Variants in SEC24B observed in about 807,000 individuals in gnomAD.
SEC24B encodes SEC24 homolog B, COPII component, also known as protein transport protein Sec24B.
SEC24B carries 45 observed loss-of-function variants against 142.8 expected under a neutral mutation model. That is an observed-to-expected ratio of 0.32 (90% CI 0.25 to 0.40). The LOEUF is 0.40. SEC24B is among the 10% of genes least tolerant of loss of function. SEC24B has a pLI of 1.00. For synonymous variants in SEC24B, 574 were observed against 568.2 expected (o/e 1.01, Z -0.15); for missense variants, 1,409 against 1,526.8 (o/e 0.92, Z 1.29).
At chr4:109,446,368 G>A (rs1729462875) in intron 1 of SEC24B, among the ~76,000 whole-genome samples, 1 of 152,150 alleles carries the variant, frequency 6.6e-6, no homozygotes, top group African/African-American at 2.4e-5. Context: ...ACTAGAAGCT[G>A]GAAAAGGCAA....
At chr4:109,471,975 A>C (rs554714320) in intron 2 of SEC24B, among the ~76,000 whole-genome samples, 1 of 152,320 alleles carries the variant, frequency 6.6e-6, no homozygotes, top group Admixed American at 6.5e-5. Context: ...TGATGTTTTT[A>C]ATCTTCCACA....
At chr4:109,451,296 C>G (rs1431547744) in intron 1 of SEC24B, among the ~76,000 whole-genome samples, 1 of 151,830 alleles carries the variant, frequency 6.6e-6, no homozygotes, top group Non-Finnish European at 1.5e-5. Flanking sequence ...TGGCTTGCTG[C>G]ATCCCTAACC....
chr4:109,530,440 C>CT lies in SEC24B; in HGVS notation c.3229dup (p.Tyr1077LeufsTer12). ...CCAGCTCCCTCAAGTTGTTTCCTCT[C>CT]TATGTTTTGGCCCTTCTCAAACAGG... is the stretch of plus-strand genomic sequence containing the variant. On this transcript the variant is annotated frameshift_variant, in exon 19 of 24. Transcript: ENST00000265175. LOFTEE classifies it high-confidence loss of function. The CT allele has an allele frequency of 6.2e-7, 1 of 1,613,920 alleles. No individual in the cohort carries two copies. Among genetic ancestry groups the CT allele is most frequent in the Non-Finnish European group, 8.5e-7 (1 of 1,179,908 alleles).
chr4:109,443,701 G>C (rs1729141320), intron 1 of SEC24B, among the ~76,000 whole-genome samples: 1 of 152,320 alleles, frequency 6.6e-6, no homozygotes, highest in African/African-American at 2.4e-5. Context: ...CACTGAACAT[G>C]TGTTTCCTTC....
intron 22 of SEC24B, among the ~76,000 whole-genome samples, chr4:109,537,032 AG>A (rs1725627828): frequency 6.6e-6 from 1 of 152,162 alleles, no homozygotes; most frequent in African/African-American, 2.4e-5. Flanking sequence ...CTCTATAAAA[AG>A]TTCTCTTACA....
chr4:109,532,109 G>A (rs150920854), intron 20 of SEC24B, among the ~76,000 whole-genome samples: 2,245 of 151,936 alleles, frequency 0.015, 38 homozygotes, highest in African/African-American at 0.038. Flanking sequence ...TGCCCATCTC[G>A]GCTTCCCAAA....
intron 7 of SEC24B, among the ~76,000 whole-genome samples, chr4:109,507,950 C>A (rs991414055): frequency 1.3e-5 from 2 of 152,118 alleles, no homozygotes; most frequent in African/African-American, 4.8e-5. Context: ...CAGCCTATTT[C>A]CCTTTTCTTA....
intron 4 of SEC24B, among the ~76,000 whole-genome samples, chr4:109,484,466 GTTAAAA>G (rs1670019705): frequency 6.6e-6 from 1 of 152,026 alleles, no homozygotes; most frequent in Non-Finnish European, 1.5e-5. Context: ...GTTTTTCCCT[GTTAAAA>G]TTAATAAGTC....
At chr4:109,467,211 A>G (rs886661719) in intron 2 of SEC24B, among the ~76,000 whole-genome samples, 1 of 151,040 alleles carries the variant, frequency 6.6e-6, no homozygotes, top group African/African-American at 2.4e-5. Flanking sequence ...CTGTAGTCCC[A>G]GCTACTCGGG....
At chr4:109,471,090 CATACATACATGTGTATCA>C (rs1249680545) in intron 2 of SEC24B, among the ~76,000 whole-genome samples, 1 of 123,212 alleles carries the variant, frequency 8.1e-6, no homozygotes. Flanking sequence ...TATATATACA[CATACATACATGTGTATCA>C]ATACATACAT....
intron 2 of SEC24B, among the ~76,000 whole-genome samples, chr4:109,471,161 G>A (rs1363056774): frequency 1.3e-5 from 2 of 151,984 alleles, no homozygotes; most frequent in Admixed American, 1.3e-4. Context: ...TTATGGTTTT[G>A]AGACAGGGTC....
At chr4:109,475,382 G>A (rs2125967759) in intron 3 of SEC24B, among the ~76,000 whole-genome samples, 1 of 152,298 alleles carries the variant, frequency 6.6e-6, no homozygotes, top group Non-Finnish European at 1.5e-5. Flanking sequence ...AGGGTTTACT[G>A]TGGGCCTGAT....
chr4:109,505,295 T>A (rs1736562715), intron 6 of SEC24B, among the ~76,000 whole-genome samples: 1 of 152,078 alleles, frequency 6.6e-6, no homozygotes. Context: ...CAAGCTGATC[T>A]TAAAACCTAG....
At chr4:109,498,096 T>C (rs969511735) in intron 6 of SEC24B, among the ~76,000 whole-genome samples, 1 of 152,148 alleles carries the variant, frequency 6.6e-6, no homozygotes, top group African/African-American at 2.4e-5. Context: ...ATTAAGCACT[T>C]TTTTTCTCTT....
intron 7 of SEC24B, among the ~76,000 whole-genome samples, chr4:109,507,542 G>C (rs1297649763): frequency 6.6e-6 from 1 of 152,142 alleles, no homozygotes; most frequent in Non-Finnish European, 1.5e-5. Flanking sequence ...CCAAAGTGGT[G>C]GGATTATAGG....
intron 1 of SEC24B, among the ~76,000 whole-genome samples, chr4:109,457,159 T>A (rs911324129): frequency 2.6e-5 from 4 of 152,236 alleles, no homozygotes; most frequent in African/African-American, 9.6e-5. Context: ...TTTTGTATAC[T>A]ACACTTTGAG....
At position 109,463,348 on chromosome 4, in the gene SEC24B, C is replaced by G. The variant is rs2125933624; in HGVS notation, c.581C>G (p.Pro194Arg). Residue 194 changes from proline to arginine, a missense_variant, in exon 2 of 24, where the codon CCT becomes CGT. Physicochemically the swap from Pro to Arg is moderately radical, Grantham distance 103. Transcript: ENST00000265175. ...AMSTVSNAAY[P>R]SVSYPSLPAG... The stretch of plus-strand genomic sequence containing the variant: ...TCAACTGTTTCTAATGCCGCGTATC[C>G]TAGTGTTTCATATCCCTCTCTGCCT... 6.2e-7 allele frequency: 1 copy of G among 1,614,190 alleles called. No individual in the cohort carries two copies. Among genetic ancestry groups the G allele is most frequent in the Non-Finnish European group, 8.5e-7 (1 of 1,180,042 alleles).
intron 18 of SEC24B, among the ~76,000 whole-genome samples, 194 bp from the exon 19 acceptor site, chr4:109,530,095 T>C (rs1019247109): frequency 6.6e-6 from 1 of 152,226 alleles, no homozygotes; most frequent in Non-Finnish European, 1.5e-5. Flanking sequence ...TCTAGACTTG[T>C]TCTGATTGTC....
chr4:109,436,449 CAG>C (rs1224460555), intron 1 of SEC24B, among the ~76,000 whole-genome samples: 1 of 152,116 alleles, frequency 6.6e-6, no homozygotes, highest in Non-Finnish European at 1.5e-5. Flanking sequence ...ATAAAACAGA[CAG>C]AATTGTAAAA....
Sources: allele counts gnomAD v4.1 joint callset (sites outside exome capture counted in the v4.1 genomes callset), GRCh38; gene constraint gnomAD v4.1.1; transcripts MANE v1.5; gene names NCBI Gene and HGNC (gene_info 2026-07-23, HGNC 2026-07-21).